CCNYL1: variants seen among roughly 807,000 people sequenced by gnomAD.
CCNYL1 encodes the protein cyclin Y like 1.
In CCNYL1, 16 loss-of-function variants were observed where a neutral mutation model predicts 44.2. That is an observed-to-expected ratio of 0.36 (90% confidence interval 0.25 to 0.55). The LOEUF (loss-of-function observed/expected upper bound fraction) is 0.55. CCNYL1 is among the 20% of genes least tolerant of loss of function. The probability of loss-of-function intolerance (pLI) is 0.85; values close to 1 mark genes in which losing one functional copy is unlikely to be tolerated. For synonymous variants in CCNYL1, 159 were observed against 163.2 expected (o/e 0.97, Z 0.20); for missense variants, 348 against 451.8 (o/e 0.77, Z 2.08).
intron 3 of CCNYL1, among the ~76,000 whole-genome samples, chr2:207,733,450 T>C (rs886526162): frequency 6.6e-6 from 1 of 152,220 alleles, no homozygotes; most frequent in Non-Finnish European, 1.5e-5. Context: ...ACGAAGCCTC[T>C]GACTGTGAAA....
intron 6 of CCNYL1, among the ~76,000 whole-genome samples, chr2:207,741,204 A>C (rs1048040590): frequency 6.6e-6 from 1 of 152,090 alleles, no homozygotes; most frequent in Non-Finnish European, 1.5e-5. Context: ...GCAGTGAGCC[A>C]AGATCGCTCC....
intron 1 of CCNYL1, among the ~76,000 whole-genome samples, chr2:207,718,106 G>C (rs1273938009): frequency 6.6e-6 from 1 of 151,828 alleles, no homozygotes; most frequent in Non-Finnish European, 1.5e-5. Flanking sequence ...GGGTTTCTCC[G>C]TGTTAGCCAG....
At chr2:207,716,515 C>A (rs2091596601) in intron 1 of CCNYL1, among the ~76,000 whole-genome samples, 2 of 152,094 alleles carry the variant, frequency 1.3e-5, no homozygotes, top group South Asian at 4.1e-4. Context: ...TCATAAATTC[C>A]TGAATCACTG....
chr2:207,732,422 T>G lies in CCNYL1; in HGVS notation c.331-1525T>G, dbSNP rs563909200. 1.6e-4 allele frequency among the ~76,000 whole-genome samples: 25 copies of G among 152,332 alleles called. No individual in the cohort carries two copies. The East Asian group carries it at 3.7e-3, about 22-fold the overall frequency. On this transcript the variant is annotated intron_variant, in intron 3 of 9. Coordinates refer to ENST00000295414, the MANE Select transcript of CCNYL1 (RefSeq NM_001330218.2). ...AAAATGCTGTTACACTGTATGGATA[T>G]TTCTGATTATTGGCTACTGGCGATT...
rs2091926368 is a variant in CCNYL1, at chr2:207,755,579, A to C, written c.*1881A>C. On this transcript the variant is annotated 3_prime_UTR_variant, in exon 10 of 10. Transcript: ENST00000295414. ...ATTACCGCAGTTTCTTTAAAGGAAG[A>C]TTTTGAAGAGCAGTGTTAATTAACA... The C allele has an allele frequency of 1.3e-5, 2 of 152,222 alleles. No homozygotes were observed. Among genetic ancestry groups the C allele is most frequent in the African/African-American group, 2.4e-5 (1 of 41,460 alleles). The allele number at this position is 152,222 out of a possible 1,614,324, so 9.4% of individuals were successfully genotyped here.
chr2:207,726,541 G>A (rs2091681109), intron 2 of CCNYL1, among the ~76,000 whole-genome samples: 1 of 152,178 alleles, frequency 6.6e-6, no homozygotes, highest in African/African-American at 2.4e-5. Flanking sequence ...ATGCAACAGG[G>A]AAACCTATTA....
At chr2:207,722,727 G>A (rs984209231) in intron 1 of CCNYL1, among the ~76,000 whole-genome samples, 4 of 152,034 alleles carry the variant, frequency 2.6e-5, no homozygotes, top group African/African-American at 9.7e-5. Flanking sequence ...TTGGGAGGCC[G>A]AGGGGGGCAG....
At chr2:207,742,617 G>A (rs769787508) in intron 7 of CCNYL1, among the ~76,000 whole-genome samples, 1 of 152,178 alleles carries the variant, frequency 6.6e-6, no homozygotes, top group Non-Finnish European at 1.5e-5. Flanking sequence ...TACACATTCA[G>A]TGTGTACACA....
intron 9 of CCNYL1, 36 bp downstream of exon 9, chr2:207,751,155 C>T (rs1383031702): frequency 8.9e-6 from 14 of 1,579,804 alleles, no homozygotes; most frequent in Non-Finnish European, 1.2e-5. Context: ...GGTTTTCCAT[C>T]AGCCACCAAA....
At chr2:207,724,939 T>C in intron 2 of CCNYL1, 65 bp downstream of exon 2, 2 of 1,281,940 alleles carry the variant, frequency 1.6e-6, no homozygotes, top group Non-Finnish European at 2.2e-6. Context: ...TTATTGGATG[T>C]ATTATAGAAG....
chr2:207,711,826 G>A lies in CCNYL1; in HGVS notation c.-71G>A. The A allele has an allele frequency of 1.9e-6, 2 of 1,072,712 alleles. No individual in the cohort carries two copies. Among genetic ancestry groups the A allele is most frequent in the Non-Finnish European group, 2.5e-6 (2 of 809,744 alleles). The allele number at this position is 1,072,712 out of a possible 1,614,324, so 66.4% of individuals were successfully genotyped here. ...TGCCGGCCGCGCCATTGTTGGGGGA[G>A]GGGGCGGCTGTTGAGGGCGGCGGAG... On this transcript the variant is annotated 5_prime_UTR_variant, in exon 1 of 10. Transcript: ENST00000295414.
Position 207,711,789 on chromosome 2 carries a change from C to G in CCNYL1, c.-108C>G, listed in dbSNP as rs1320271376. ...TGCGCGGTGCAGCCCCAGCGTAGCC[C>G]GGGGCTGCCGGTGCCGGCCGCGCCA... is the stretch of plus-strand genomic sequence containing the variant. On this transcript the variant is annotated 5_prime_UTR_variant, in exon 1 of 10. Transcript: ENST00000295414. 1 of 707,256 alleles carries G rather than the reference C, an allele frequency of 1.4e-6. No homozygotes were observed. Among genetic ancestry groups the G allele is most frequent in the South Asian group, 4.1e-5 (1 of 24,536 alleles). The allele number at this position is 707,256 out of a possible 1,614,324, so 43.8% of individuals were successfully genotyped here.
At chr2:207,749,852 C>G (rs1418287904) in intron 8 of CCNYL1, among the ~76,000 whole-genome samples, 1 of 152,200 alleles carries the variant, frequency 6.6e-6, no homozygotes, top group African/African-American at 2.4e-5. Context: ...GATCATCAAG[C>G]ATTTGTTGAC....
At chr2:207,718,821 T>A (rs966821014) in intron 1 of CCNYL1, among the ~76,000 whole-genome samples, 1 of 152,220 alleles carries the variant, frequency 6.6e-6, no homozygotes, top group African/African-American at 2.4e-5. Flanking sequence ...CTTCAAGGAA[T>A]TTATCCTGAA....
chr2:207,751,137 CTAAG>C lies in CCNYL1; in HGVS notation c.969+20_969+23del. 1 of 1,600,624 alleles carries C rather than the reference CTAAG, an allele frequency of 6.2e-7. No homozygotes were observed. Among genetic ancestry groups the C allele is most frequent in the Admixed American group, 1.7e-5 (1 of 57,488 alleles). ...ACCTAGAGGTAAGGCTATGAAGTCACTAAGTGAGGTTTTCCATCAGCCACCAAAG... is the reference window on the plus strand; with the variant it reads ...ACCTAGAGGTAAGGCTATGAAGTCACTGAGGTTTTCCATCAGCCACCAAAG... On this transcript the variant is annotated intron_variant, in intron 9 of 9. Coordinates refer to ENST00000295414, the MANE Select transcript of CCNYL1 (RefSeq NM_001330218.2).
intron 1 of CCNYL1, among the ~76,000 whole-genome samples, chr2:207,719,539 G>T (rs1575209197): frequency 6.6e-6 from 1 of 152,148 alleles, no homozygotes; most frequent in African/African-American, 2.4e-5. Context: ...GACCTCAGGT[G>T]ATCTGCCCAC....
intron 7 of CCNYL1, among the ~76,000 whole-genome samples, chr2:207,745,805 C>T (rs529141547): frequency 2.3e-4 from 35 of 152,054 alleles, no homozygotes; most frequent in Non-Finnish European, 4.3e-4. Flanking sequence ...AAAAATTAGC[C>T]AGGCGTGCTG....
intron 5 of CCNYL1, among the ~76,000 whole-genome samples, chr2:207,739,492 G>A (rs1211621451): frequency 4.6e-5 from 7 of 152,050 alleles, no homozygotes; most frequent in South Asian, 2.1e-4. Context: ...AGCCTCCCAA[G>A]GTGCTGGGAT....
At chr2:207,712,176 G>A in intron 1 of CCNYL1, 60 bp downstream of exon 1, 3 of 1,462,740 alleles carry the variant, frequency 2.1e-6, no homozygotes, top group Admixed American at 4.0e-5. Flanking sequence ...TCCTCCCCCA[G>A]AGTCCCCCGG....
Sources: allele counts gnomAD v4.1 joint callset (sites outside exome capture counted in the v4.1 genomes callset), GRCh38; gene constraint gnomAD v4.1.1; transcripts MANE v1.5; gene names NCBI Gene and HGNC (gene_info 2026-07-23, HGNC 2026-07-21).